The following DYRK4 variants were observed in gnomAD, a reference collection of about 807,000 sequenced individuals.
The protein encoded by DYRK4 is dual specificity tyrosine-phosphorylation-regulated kinase 4.
In DYRK4, 64 loss-of-function variants were observed where a neutral mutation model predicts 68.3. That is an observed-to-expected ratio of 0.94 (90% CI 0.77 to 1.15). The LOEUF (loss-of-function observed/expected upper bound fraction) is 1.15, where lower values mean the gene tolerates loss of function less well. Among genes scored for constraint, DYRK4 ranks in the 50% most tolerant of loss-of-function variants. DYRK4 has a pLI of 0.00. For synonymous variants in DYRK4, 274 were observed against 289.9 expected (o/e 0.95, Z 0.56); for missense variants, 740 against 764.7 (o/e 0.97, Z 0.38).
At chr12:4,604,302 T>C (rs1259371797) in intron 10 of DYRK4, among the ~76,000 whole-genome samples, 1 of 152,232 alleles carries the variant, frequency 6.6e-6, no homozygotes. Flanking sequence ...AGAATTATGT[T>C]CTGACAATAA....
At chr12:4,596,435 G>C in intron 7 of DYRK4, 150 bp downstream of exon 7, 2 of 1,503,240 alleles carry the variant, frequency 1.3e-6, no homozygotes, top group Non-Finnish European at 8.8e-7. Context: ...CCATGAGGGG[G>C]CAAAGAGGAG....
In DYRK4 at chr12:4,599,174, C is replaced by G. The variant is rs1277513152; in HGVS notation, c.1044+8C>G. 1 of 1,613,500 alleles carries G rather than the reference C, an allele frequency of 6.2e-7. No homozygotes were observed. The highest frequency in any genetic ancestry group is 1.1e-5 in the South Asian group (1 of 91,062). On this transcript the variant is annotated splice_region_variant and intron_variant, in intron 9 of 14. Transcript: ENST00000543431. ...CACTGTGATCTCAAGCCCGTGAGTA[C>G]CATCTCCGTCCTGCCATGGACACAC...
chr12:4,609,543 A>C (rs868430832), intron 12 of DYRK4, among the ~76,000 whole-genome samples: 2 of 152,172 alleles, frequency 1.3e-5, no homozygotes, highest in Non-Finnish European at 2.9e-5. Context: ...TGTTGTCTCA[A>C]GGCTGGTAAG....
chr12:4,585,617 G>A (rs536138568), intron 2 of DYRK4, among the ~76,000 whole-genome samples: 85 of 152,154 alleles, frequency 5.6e-4, no homozygotes, highest in Middle Eastern at 3.4e-3. Context: ...ATCACACACC[G>A]GGGACTGTTG....
At chr12:4,598,435 C>G (rs73039855) in intron 8 of DYRK4, among the ~76,000 whole-genome samples, 2 of 152,214 alleles carry the variant, frequency 1.3e-5, no homozygotes. Flanking sequence ...TTCTAACATT[C>G]GTAAGTCTGT....
chr12:4,601,552 G>A (rs550271218), intron 10 of DYRK4, among the ~76,000 whole-genome samples: 4 of 151,936 alleles, frequency 2.6e-5, no homozygotes, highest in Non-Finnish European at 5.9e-5. Context: ...TGTCCATGAT[G>A]AAGTAAGTGG....
intron 2 of DYRK4, among the ~76,000 whole-genome samples, chr12:4,577,000 T>G (rs1944796126): frequency 6.6e-6 from 1 of 152,238 alleles, no homozygotes. Context: ...GAAGTTTTAA[T>G]TTTAATGAAG....
chr12:4,613,729 A>C lies in DYRK4; in HGVS notation c.1881A>C (p.Thr627=). ...GQSKNFSLKN[T]NVLPPIV Reference sequence around the variant, plus strand: ...GCAAAAACTTCTCCCTCAAGAACACAAACGTTTTACCCCCTATTGTATGAC... The same window carrying C: ...GCAAAAACTTCTCCCTCAAGAACACCAACGTTTTACCCCCTATTGTATGAC... Residue 627 remains threonine, a synonymous_variant, in exon 15 of 15, where the codon ACA becomes ACC. Transcript: ENST00000543431. This position sits in a 1 kb window ranked among gnomAD's most constrained non-coding sequence, Gnocchi z 4.0. The C allele has an allele frequency of 1.3e-6, 2 of 1,575,990 alleles. No homozygotes were observed. Among genetic ancestry groups the C allele is most frequent in the South Asian group, 2.3e-5 (2 of 87,634 alleles).
At chr12:4,601,550 A>C (rs1403790965) in intron 10 of DYRK4, among the ~76,000 whole-genome samples, 1 of 152,136 alleles carries the variant, frequency 6.6e-6, no homozygotes, top group Non-Finnish European at 1.5e-5. Flanking sequence ...GATGTCCATG[A>C]TGAAGTAAGT....
chr12:4,562,384 G>A, intron 1 of DYRK4, 101 bp downstream of exon 1: 1 of 1,412,104 alleles, frequency 7.1e-7, no homozygotes, highest in Non-Finnish European at 9.4e-7. Context: ...AGAATGAAAA[G>A]CGTGCAGAAT....
chr12:4,607,327 G>A lies in DYRK4; in HGVS notation c.1300G>A (p.Val434Met), dbSNP rs1565542962. Residue 434 changes from valine to methionine, a missense_variant and splice_region_variant, in exon 12 of 15, where the codon GTG (valine) becomes ATG (methionine). Coordinates refer to ENST00000543431, the MANE Select transcript of DYRK4 (RefSeq NM_001394779.1). The stretch of plus-strand genomic sequence containing the variant: ...AACCAATTGAATTATCCTTATTAAG[G>A]TGCTGGGTCTGCCGCCAGCCGGCTT... Reference protein sequence around the residue: ...EVEQLACIMEVLGLPPAGFIQ... With the variant: ...EVEQLACIMEMLGLPPAGFIQ... The A allele has an allele frequency of 1.2e-6, 2 of 1,614,180 alleles. 1 individual carries two copies. The highest frequency in any genetic ancestry group is 2.2e-5 in the South Asian group (2 of 91,084).
intron 10 of DYRK4, chr12:4,602,341 T>A: frequency 2.2e-6 from 2 of 897,846 alleles, no homozygotes; most frequent in Admixed American, 3.6e-5. Context: ...TTGCTCTTCC[T>A]CTCTTTTCAG....
At chr12:4,570,922 C>T (rs151210891) in intron 2 of DYRK4, among the ~76,000 whole-genome samples, 1 of 152,306 alleles carries the variant, frequency 6.6e-6, no homozygotes, top group East Asian at 1.9e-4. Context: ...TGGAGCTTCC[C>T]TGTCCTTTCT....
At chr12:4,604,873 G>GA (rs767220372) in intron 10 of DYRK4, 41 bp from the exon 11 acceptor site, 1 of 1,531,882 alleles carries the variant, frequency 6.5e-7, no homozygotes, top group Non-Finnish European at 8.8e-7. Context: ...TGGAGGGTAA[G>GA]AAGTTTGTCC....
chr12:4,580,420 A>G (rs977971362), intron 2 of DYRK4, among the ~76,000 whole-genome samples: 4 of 152,134 alleles, frequency 2.6e-5, no homozygotes, highest in Admixed American at 2.0e-4. Context: ...ATGCACAGCA[A>G]AGGGACTTAA....
intron 2 of DYRK4, among the ~76,000 whole-genome samples, chr12:4,582,313 G>A (rs1315359289): frequency 3.9e-5 from 6 of 152,050 alleles, no homozygotes; most frequent in African/African-American, 7.2e-5. Context: ...GCGTGGTGGC[G>A]CGTGCCTGTA....
intron 4 of DYRK4, chr12:4,590,684 G>A: frequency 1.4e-6 from 1 of 720,138 alleles, no homozygotes; most frequent in Non-Finnish European, 2.0e-6. Context: ...GAAAAATGAA[G>A]TGCTGGTACA....
intron 12 of DYRK4, among the ~76,000 whole-genome samples, chr12:4,608,661 C>CA (rs1217549260): frequency 6.6e-6 from 1 of 152,092 alleles, no homozygotes; most frequent in Non-Finnish European, 1.5e-5. Flanking sequence ...AGCTGAAGGC[C>CA]AAGCAAGCAG....
intron 2 of DYRK4, among the ~76,000 whole-genome samples, chr12:4,573,598 G>A (rs1944754526): frequency 6.6e-6 from 1 of 152,140 alleles, no homozygotes; most frequent in South Asian, 2.1e-4. Context: ...GTGGGGATAA[G>A]GAGATATTCG....
Sources: gnomAD v4.1 joint callset for allele counts (sites outside exome capture counted in the v4.1 genomes callset) on GRCh38, gnomAD v4.1.1 for gene constraint, Gnocchi (gnomAD v3.1) non-coding constraint, MANE v1.5 for transcripts, NCBI Gene and HGNC (gene_info 2026-07-23, HGNC 2026-07-21) for gene names.